NXPH3: variants seen among roughly 807,000 people sequenced by gnomAD.
NXPH3 encodes neurexophilin-3.
Under a neutral mutation model 18.8 loss-of-function variants are expected in NXPH3, and 7 were observed. The ratio of observed to expected loss-of-function variants is 0.37; its 90% confidence interval spans 0.21 to 0.70. The LOEUF (loss-of-function observed/expected upper bound fraction) is 0.70. NXPH3 is among the 30% of genes least tolerant of loss of function. The pLI is 0.53. For missense variants in NXPH3, 282 were observed against 338.1 expected (o/e 0.83, Z 1.30); for synonymous variants, 101 against 137.3 (o/e 0.74, Z 1.85).
Position 49,581,874 on chromosome 17 carries a change from G to T in NXPH3, c.*2574G>T, listed in dbSNP as rs185235197. ...GATGCTGGCGACAGCTGGAGGGCCC[G>T]GCCTTCCTGGCACACAGTTCTGCCT... is the stretch of plus-strand genomic sequence containing the variant. On this transcript the variant is annotated 3_prime_UTR_variant, in exon 2 of 2. Transcript: ENST00000328741. 23 of 669,854 alleles carry T rather than the reference G, an allele frequency of 3.4e-5. No homozygotes were observed. The Admixed American group carries it at 4.3e-4, about 13-fold the overall frequency. 41.5% of individuals were successfully genotyped at this position (669,854 alleles called of 1,614,324 possible). A position where few individuals can be genotyped will look rare whatever the true frequency, so the allele number is the denominator to read the frequency against.
In NXPH3 at chr17:49,578,495, C is replaced by T. The variant is rs1031246801; in HGVS notation, c.55-101C>T. The T allele has an allele frequency of 2.1e-6, 2 of 930,456 alleles. No homozygotes were observed. The highest frequency in any genetic ancestry group is 1.6e-5 in the African/African-American group (1 of 60,662). 57.6% of individuals were successfully genotyped at this position (930,456 alleles called of 1,614,324 possible). A position where few individuals can be genotyped will look rare whatever the true frequency, so the allele number is the denominator to read the frequency against. Reference sequence around the variant, plus strand: ...TGGGCAAGACGCAGGAGCTCCTCACCCAGGTCAGAGTGAAGTGGCAGGGAC... The same window carrying T: ...TGGGCAAGACGCAGGAGCTCCTCACTCAGGTCAGAGTGAAGTGGCAGGGAC... On this transcript the variant is annotated intron_variant, in intron 1 of 1. Coordinates refer to ENST00000328741, the MANE Select transcript of NXPH3 (RefSeq NM_007225.4). The surrounding 1 kb of genome is among the most constrained non-coding windows in gnomAD (Gnocchi z 4.5).
chr17:49,577,826 T>C (rs907938160), intron 1 of NXPH3: 4 of 152,252 alleles, frequency 2.6e-5, no homozygotes, highest in African/African-American at 9.7e-5. Flanking sequence ...GAGAGGTGTT[T>C]GGCTTTCCAT....
chr17:49,578,753 C>G lies in NXPH3; in HGVS notation c.212C>G (p.Pro71Arg). The G allele has an allele frequency of 6.2e-7, 1 of 1,613,618 alleles. No individual in the cohort carries two copies. Among genetic ancestry groups the G allele is most frequent in the Non-Finnish European group, 8.5e-7 (1 of 1,179,958 alleles). ...ANSTLLGLLAPPGEAWGILGQ... is the reference protein window; with the variant it reads ...ANSTLLGLLARPGEAWGILGQ... ...TCCACTCTCCTAGGGCTGCTGGCCCCGCCTGGGGAGGCTTGGGGCATTCTT... is the reference window on the plus strand; with the variant it reads ...TCCACTCTCCTAGGGCTGCTGGCCCGGCCTGGGGAGGCTTGGGGCATTCTT... Residue 71 changes from proline (P) to arginine (R), a missense_variant, in exon 2 of 2, where the codon CCG becomes CGG. Pro to Arg is a moderately radical substitution (Grantham distance 103). Coordinates refer to ENST00000328741, the MANE Select transcript of NXPH3 (RefSeq NM_007225.4). This position sits in a 1 kb window ranked among gnomAD's most constrained non-coding sequence, Gnocchi z 4.5.
chr17:49,579,905 A>G lies in NXPH3; in HGVS notation c.*605A>G, dbSNP rs1018769248. Reference sequence around the variant, plus strand: ...TCTTTGATGTCTTGACAGATTGACCATCTGTCTCCAGCCAGGCCACCCCTT... The same window carrying G: ...TCTTTGATGTCTTGACAGATTGACCGTCTGTCTCCAGCCAGGCCACCCCTT... On this transcript the variant is annotated 3_prime_UTR_variant, in exon 2 of 2. Transcript: ENST00000328741. This position sits in a 1 kb window ranked among gnomAD's most constrained non-coding sequence, Gnocchi z 6.0. 3 of 153,008 alleles carry G rather than the reference A, an allele frequency of 2.0e-5. No individual in the cohort carries two copies. The highest frequency in any genetic ancestry group is 7.2e-5 in the African/African-American group (3 of 41,442). 9.5% of individuals were successfully genotyped at this position (153,008 alleles called of 1,614,324 possible).
Position 49,575,953 on chromosome 17 carries a change from T to G in NXPH3, c.-267T>G. The G allele has an allele frequency of 2.2e-6, 1 of 445,932 alleles. No individual in the cohort carries two copies. The highest frequency in any genetic ancestry group is 4.1e-5 in the East Asian group (1 of 24,654). 27.6% of individuals were successfully genotyped at this position (445,932 alleles called of 1,614,324 possible). On this transcript the variant is annotated 5_prime_UTR_variant, in exon 1 of 2. Transcript: ENST00000328741. The surrounding 1 kb of genome is among the most constrained non-coding windows in gnomAD (Gnocchi z 4.3). The stretch of plus-strand genomic sequence containing the variant: ...TGGAGCAGCAGAGCCACGGCGCAGC[T>G]GGGGCCCTTCGAGGCGCTCGGGGCG...
At position 49,581,813 on chromosome 17, in the gene NXPH3, A is replaced by C. The variant is rs971145783; in HGVS notation, c.*2513A>C. On this transcript the variant is annotated 3_prime_UTR_variant, in exon 2 of 2. Transcript: ENST00000328741. ...CTCAGCAGGCACTGGGGGCACTTTG[A>C]CCCCCCTCCTGCTCCTCTCCTCCTG... 39 of 700,418 alleles carry C rather than the reference A, an allele frequency of 5.6e-5. No homozygotes were observed. The highest frequency in any genetic ancestry group is 9.9e-5 in the Non-Finnish European group (38 of 384,144). The allele number at this position is 700,418 out of a possible 1,614,324, so 43.4% of individuals were successfully genotyped here.
At position 49,578,096 on chromosome 17, in the gene NXPH3, C is replaced by T. The variant is rs1456573896; in HGVS notation, c.55-500C>T. 1.3e-5 allele frequency: 2 copies of T among 153,902 alleles called. No individual in the cohort carries two copies. The highest frequency in any genetic ancestry group is 2.9e-5 in the Non-Finnish European group (2 of 69,322). 9.5% of individuals were successfully genotyped at this position (153,902 alleles called of 1,614,324 possible). On this transcript the variant is annotated intron_variant, in intron 1 of 1. Transcript: ENST00000328741. The surrounding 1 kb of genome is among the most constrained non-coding windows in gnomAD (Gnocchi z 4.5). ...TCTCCCAGGATAAGAATGGTGCTTC[C>T]CTGTCTGACTCGGGGCTGTTTCAGA...
chr17:49,582,706 G>C lies in NXPH3; in HGVS notation c.*3406G>C, dbSNP rs577090111. ...GCTATGGATGGGAGGGGGACAGCTT[G>C]CCTTTTCCTAGGCATCAGAGCACCT... is the stretch of plus-strand genomic sequence containing the variant. On this transcript the variant is annotated 3_prime_UTR_variant, in exon 2 of 2. Coordinates refer to ENST00000328741, the MANE Select transcript of NXPH3 (RefSeq NM_007225.4). The C allele has an allele frequency of 6.6e-6, 1 of 152,382 alleles. No homozygotes were observed. Among genetic ancestry groups the C allele is most frequent in the South Asian group, 2.1e-4 (1 of 4,830 alleles). The allele number at this position is 152,382 out of a possible 1,614,324, so 9.4% of individuals were successfully genotyped here. A position where few individuals can be genotyped will look rare whatever the true frequency, so the allele number is the denominator to read the frequency against.
chr17:49,581,922 A>G lies in NXPH3; in HGVS notation c.*2622A>G, dbSNP rs1054282594. On this transcript the variant is annotated 3_prime_UTR_variant, in exon 2 of 2. Transcript: ENST00000328741. ...CCTGCACCAGGGATGGATTCATTTT[A>G]ATAACTTCATTTCACCCTCATGCAC... 1.6e-6 allele frequency: 1 copy of G among 618,122 alleles called. No homozygotes were observed. The highest frequency in any genetic ancestry group is 2.9e-6 in the Non-Finnish European group (1 of 344,862). 38.3% of individuals were successfully genotyped at this position (618,122 alleles called of 1,614,324 possible).
Position 49,578,495 on chromosome 17 carries a change from C to G in NXPH3, c.55-101C>G, listed in dbSNP as rs1031246801. 19 of 930,456 alleles carry G rather than the reference C, an allele frequency of 2.0e-5. No homozygotes were observed. Among genetic ancestry groups the G allele is most frequent in the East Asian group, 4.9e-5 (2 of 41,024 alleles). The allele number at this position is 930,456 out of a possible 1,614,324, so 57.6% of individuals were successfully genotyped here. A position where few individuals can be genotyped will look rare whatever the true frequency, so the allele number is the denominator to read the frequency against. ...TGGGCAAGACGCAGGAGCTCCTCACCCAGGTCAGAGTGAAGTGGCAGGGAC... is the reference window on the plus strand; with the variant it reads ...TGGGCAAGACGCAGGAGCTCCTCACGCAGGTCAGAGTGAAGTGGCAGGGAC... On this transcript the variant is annotated intron_variant, in intron 1 of 1. Coordinates refer to ENST00000328741, the MANE Select transcript of NXPH3 (RefSeq NM_007225.4). This position sits in a 1 kb window ranked among gnomAD's most constrained non-coding sequence, Gnocchi z 4.5.
In NXPH3 at chr17:49,576,051, C is replaced by G; in HGVS notation, c.-169C>G. 2 of 699,630 alleles carry G rather than the reference C, an allele frequency of 2.9e-6. No individual in the cohort carries two copies. Among genetic ancestry groups the G allele is most frequent in the Non-Finnish European group, 4.7e-6 (2 of 423,898 alleles). 43.3% of individuals were successfully genotyped at this position (699,630 alleles called of 1,614,324 possible). A position where few individuals can be genotyped will look rare whatever the true frequency, so the allele number is the denominator to read the frequency against. On this transcript the variant is annotated 5_prime_UTR_variant, in exon 1 of 2. Transcript: ENST00000328741. ...GGGGAGGGGGGCGGCGGCTGCACAG[C>G]TGGACCGAAGGGGGCGGGGTCGGCC...
Position 49,583,372 on chromosome 17 carries a change from A to G in NXPH3, c.*4072A>G, listed in dbSNP as rs543937443. 6.6e-6 allele frequency: 1 copy of G among 152,444 alleles called. No homozygotes were observed. The highest frequency in any genetic ancestry group is 1.9e-4 in the East Asian group (1 of 5,190). 9.4% of individuals were successfully genotyped at this position (152,444 alleles called of 1,614,324 possible). On this transcript the variant is annotated 3_prime_UTR_variant, in exon 2 of 2. Coordinates refer to ENST00000328741, the MANE Select transcript of NXPH3 (RefSeq NM_007225.4). ...AGAGGCAAGATGGGGTGGGGGCGGC[A>G]CCTGCCAATTATGCCAAAGTCTTGG... is the stretch of plus-strand genomic sequence containing the variant.
Position 49,579,060 on chromosome 17 carries a change from CA to C in NXPH3, c.521del (p.Asn174ThrfsTer9). On this transcript the variant is annotated frameshift_variant, in exon 2 of 2. Coordinates refer to ENST00000328741, the MANE Select transcript of NXPH3 (RefSeq NM_007225.4). LOFTEE classifies it high-confidence loss of function. The surrounding 1 kb of genome is among the most constrained non-coding windows in gnomAD (Gnocchi z 6.0). Reference protein sequence around the residue: ...FIEAKASKIFNCRMEWEKVER... With the variant: ...FIEAKASKIFXCRMEWEKVER... ...TCGAAGCCAAGGCCTCCAAAATCTT[CA>C]ACTGCCGGATGGAGTGGGAGAAGGT... is the stretch of plus-strand genomic sequence containing the variant. 1 of 1,614,154 alleles carries C rather than the reference CA, an allele frequency of 6.2e-7. No homozygotes were observed. The highest frequency in any genetic ancestry group is 8.5e-7 in the Non-Finnish European group (1 of 1,180,030).
chr17:49,576,384 G>T (rs1303836951), intron 1 of NXPH3, 111 bp downstream of exon 1: 1 of 1,257,034 alleles, frequency 8.0e-7, no homozygotes, highest in Non-Finnish European at 1.1e-6. Flanking sequence ...ACATCCCGGG[G>T]ATGGCGGGGA....
Position 49,576,244 on chromosome 17 carries a change from G to C in NXPH3, c.25G>C (p.Val9Leu). The change falls in exon 1 of 2, where the codon GTG becomes CTG. Residue 9 changes from valine (V) to leucine (L), a missense_variant. Physicochemically the swap from Val to Leu is conservative, Grantham distance 32. Transcript: ENST00000328741. MQLTRCCF[V>L]FLVQGSLYLV... The stretch of plus-strand genomic sequence containing the variant: ...GATGCAACTGACTCGCTGCTGCTTC[G>C]TGTTCCTGGTGCAGGGTAGCCTCTA... 1 of 1,568,998 alleles carries C rather than the reference G, an allele frequency of 6.4e-7. No individual in the cohort carries two copies. The highest frequency in any genetic ancestry group is 8.6e-7 in the Non-Finnish European group (1 of 1,157,202).
Position 49,579,543 on chromosome 17 carries a change from T to C in NXPH3, c.*243T>C. ...GGAGCACTGGAGGAGGAGTGGGCTCTCTGTGCAGCCTCACAGGGCTTTGCC... is the reference window on the plus strand; with the variant it reads ...GGAGCACTGGAGGAGGAGTGGGCTCCCTGTGCAGCCTCACAGGGCTTTGCC... On this transcript the variant is annotated 3_prime_UTR_variant, in exon 2 of 2. Coordinates refer to ENST00000328741, the MANE Select transcript of NXPH3 (RefSeq NM_007225.4). The surrounding 1 kb of genome is among the most constrained non-coding windows in gnomAD (Gnocchi z 6.0). 1.8e-6 allele frequency: 1 copy of C among 545,280 alleles called. No individual in the cohort carries two copies. The highest frequency in any genetic ancestry group is 3.3e-6 in the Non-Finnish European group (1 of 305,650). The allele number at this position is 545,280 out of a possible 1,614,324, so 33.8% of individuals were successfully genotyped here.
Position 49,578,692 on chromosome 17 carries a change from G to A in NXPH3, c.151G>A (p.Gly51Ser), listed in dbSNP as rs1358793048. The A allele has an allele frequency of 6.2e-7, 1 of 1,613,026 alleles. No homozygotes were observed. The highest frequency in any genetic ancestry group is 8.5e-7 in the Non-Finnish European group (1 of 1,179,906). Residue 51 changes from glycine to serine, a missense_variant, in exon 2 of 2, where the codon GGC becomes AGC. Gly to Ser is a moderately conservative substitution (Grantham distance 56, BLOSUM62 0). Transcript: ENST00000328741. The surrounding 1 kb of genome is among the most constrained non-coding windows in gnomAD (Gnocchi z 4.5). ...CCGGCCCCGGGTGCCTCGGAAGCGG[G>A]GCCACATCTCACCTAAGTCCCGCCC... The part of the protein sequence containing the change: ...QPRPRVPRKR[G>S]HISPKSRPMA...
Position 49,576,165 on chromosome 17 carries a change from C to T in NXPH3, c.-55C>T. On this transcript the variant is annotated 5_prime_UTR_variant, in exon 1 of 2. Transcript: ENST00000328741. ...TGAAGGAGCAGGAAGGGGAAGGAGG[C>T]CTGGGACCCCGAAAAGAGAAGGGGA... 1 of 1,548,190 alleles carries T rather than the reference C, an allele frequency of 6.5e-7. No individual in the cohort carries two copies. The highest frequency in any genetic ancestry group is 8.7e-7 in the Non-Finnish European group (1 of 1,144,316).
In NXPH3 at chr17:49,576,033, G is replaced by A; in HGVS notation, c.-187G>A. 1.7e-6 allele frequency: 1 copy of A among 604,170 alleles called. No individual in the cohort carries two copies. Among genetic ancestry groups the A allele is most frequent in the African/African-American group, 1.9e-5 (1 of 52,026 alleles). The allele number at this position is 604,170 out of a possible 1,614,324, so 37.4% of individuals were successfully genotyped here. A position where few individuals can be genotyped will look rare whatever the true frequency, so the allele number is the denominator to read the frequency against. ...CCGCGCGCAGCTGGACCAGGGGAGGGGGGCGGCGGCTGCACAGCTGGACCG... is the reference window on the plus strand; with the variant it reads ...CCGCGCGCAGCTGGACCAGGGGAGGAGGGCGGCGGCTGCACAGCTGGACCG... On this transcript the variant is annotated 5_prime_UTR_variant, in exon 1 of 2. Coordinates refer to ENST00000328741, the MANE Select transcript of NXPH3 (RefSeq NM_007225.4).
Sources: allele counts gnomAD v4.1 joint callset, GRCh38; gene constraint gnomAD v4.1.1; non-coding constraint Gnocchi (gnomAD v3.1); transcripts MANE v1.5; gene names NCBI Gene and HGNC (gene_info 2026-07-23, HGNC 2026-07-21).